The following TMEM71 variants were observed in gnomAD, a reference collection of about 807,000 sequenced individuals.
TMEM71 encodes transmembrane protein 71.
In TMEM71, 44 loss-of-function variants were observed where a neutral mutation model predicts 38.0. The ratio of observed to expected loss-of-function variants is 1.16; its 90% CI spans 0.91 to 1.49. The LOEUF is 1.49. Ranked by LOEUF, TMEM71 falls within the 40% of genes most tolerant of loss-of-function variation. The probability of loss-of-function intolerance (pLI) is 0.00; values close to 1 mark genes in which losing one functional copy is unlikely to be tolerated. For missense variants in TMEM71, 367 were observed against 348.6 expected (o/e 1.05, Z -0.42); for synonymous variants, 133 against 122.5 (o/e 1.09, Z -0.56).
rs1031110722 is a variant in TMEM71, at chr8:132,735,708, C to T, written c.488-7722G>A. On this transcript the variant is annotated intron_variant, in intron 5 of 9. Coordinates refer to ENST00000677595, the MANE Select transcript of TMEM71 (RefSeq NM_001382403.1). ...GTTTGGACATATTTCAAAGAGACAA[C>T]GAAGGAAAAATTAGATGTTAATTTC... 1.4e-4 allele frequency among the ~76,000 whole-genome samples: 22 copies of T among 152,126 alleles called. 1 individual carries two copies. The highest frequency in any genetic ancestry group is 4.6e-4 in the African/African-American group (19 of 41,436).
At position 132,749,288 on chromosome 8, in the gene TMEM71, A is replaced by C. The variant is rs547438958; in HGVS notation, c.315-2174T>G. On this transcript the variant is annotated intron_variant, in intron 4 of 9. Coordinates refer to ENST00000677595, the MANE Select transcript of TMEM71 (RefSeq NM_001382403.1). ...AGGTGATGGTGGCCTGAATGAAGAAAATAGCTATGGGAAGAAAGACAAGAG... is the reference window on the plus strand; with the variant it reads ...AGGTGATGGTGGCCTGAATGAAGAACATAGCTATGGGAAGAAAGACAAGAG... Among the ~76,000 whole-genome samples the C allele has an allele frequency of 3.3e-5, 5 of 152,340 alleles. No individual in the cohort carries two copies. In the South Asian group the frequency reaches 8.3e-4, roughly 25 times the overall value.
At chr8:132,753,320 T>C (rs1387765299) in intron 3 of TMEM71, among the ~76,000 whole-genome samples, 1 of 150,972 alleles carries the variant, frequency 6.6e-6, no homozygotes, top group Non-Finnish European at 1.5e-5. Context: ...GGGTGGTTTT[T>C]TGTGAATCAA....
chr8:132,764,169 A>C (rs1325057457), upstream of TMEM71, among the ~76,000 whole-genome samples: 2 of 152,182 alleles, frequency 1.3e-5, no homozygotes, highest in Non-Finnish European at 2.9e-5. Context: ...CTTATCATCT[A>C]AGTCTCCATC....
At chr8:132,772,114 A>G in the TMEM71 span, among the ~76,000 whole-genome samples, 3 of 152,222 alleles carry the variant, frequency 2.0e-5, no homozygotes, top group Admixed American at 2.0e-4. Flanking sequence ...CACACAAAAA[A>G]TAGCTATCTT....
chr8:132,761,868 G>A (rs546438959), upstream of TMEM71, among the ~76,000 whole-genome samples: 1 of 152,320 alleles, frequency 6.6e-6, no homozygotes, highest in Admixed American at 6.5e-5. Flanking sequence ...GTAAGGGTCT[G>A]ATGCTCCATC....
chr8:132,707,407 A>G (rs1267679675), downstream of TMEM71, among the ~76,000 whole-genome samples: 1 of 152,158 alleles, frequency 6.6e-6, no homozygotes, highest in Non-Finnish European at 1.5e-5. Context: ...TGAAAATTTC[A>G]TATGTTGGAA....
intron 3 of TMEM71, among the ~76,000 whole-genome samples, 181 bp downstream of exon 3, chr8:132,757,053 A>ATT (rs11345876): frequency 1.4e-5 from 2 of 143,398 alleles, no homozygotes; most frequent in African/African-American, 2.6e-5. Flanking sequence ...CGCAGCGCTG[A>ATT]TTTTTTTTTT....
chr8:132,723,122 G>C (rs1265533909), intron 6 of TMEM71, among the ~76,000 whole-genome samples: 1 of 152,176 alleles, frequency 6.6e-6, no homozygotes, highest in African/African-American at 2.4e-5. Context: ...CCCATAATGC[G>C]GGTGGAATGC....
At chr8:132,756,588 A>G (rs2131204150) in intron 3 of TMEM71, among the ~76,000 whole-genome samples, 1 of 150,006 alleles carries the variant, frequency 6.7e-6, no homozygotes, top group South Asian at 2.1e-4. Context: ...TAATAATAAT[A>G]TAATAATAAT....
chr8:132,722,134 A>C lies in TMEM71; in HGVS notation c.677-19T>G, dbSNP rs1291995756. 1 of 1,586,414 alleles carries C rather than the reference A, an allele frequency of 6.3e-7. No individual in the cohort carries two copies. Among genetic ancestry groups the C allele is most frequent in the South Asian group, 1.1e-5 (1 of 90,462 alleles). On this transcript the variant is annotated intron_variant, in intron 6 of 9. Transcript: ENST00000677595. ...CTGGTTTCTAATAGGAAGAACAAAA[A>C]CAAATAAATTAGAAATCATTGCTGA...
chr8:132,727,437 T>C (rs957600950), intron 6 of TMEM71, among the ~76,000 whole-genome samples: 2 of 152,076 alleles, frequency 1.3e-5, no homozygotes, highest in African/African-American at 4.8e-5. Context: ...TTTGTATTTT[T>C]AGTAGAGACA....
chr8:132,712,611 T>C (rs1260733454), intron 9 of TMEM71, among the ~76,000 whole-genome samples: 1 of 152,120 alleles, frequency 6.6e-6, no homozygotes, highest in Non-Finnish European at 1.5e-5. Context: ...AATGAGATGA[T>C]AAAATCTCAA....
chr8:132,735,459 C>A (rs535470899), intron 5 of TMEM71, among the ~76,000 whole-genome samples: 1 of 152,188 alleles, frequency 6.6e-6, no homozygotes, highest in South Asian at 2.1e-4. Context: ...AGTCACGGGG[C>A]CTTGGGTAAA....
intron 5 of TMEM71, among the ~76,000 whole-genome samples, chr8:132,736,501 C>G (rs1827753827): frequency 6.6e-6 from 1 of 152,046 alleles, no homozygotes; most frequent in Non-Finnish European, 1.5e-5. Context: ...ATCATGGTGA[C>G]TAGAGTTAAT....
At chr8:132,731,052 C>T (rs1432016146) in intron 5 of TMEM71, among the ~76,000 whole-genome samples, 3 of 152,160 alleles carry the variant, frequency 2.0e-5, no homozygotes, top group Admixed American at 6.5e-5. Context: ...AAGACTGAAA[C>T]ATACATTCTA....
At chr8:132,731,648 G>A (rs1227224139) in intron 5 of TMEM71, among the ~76,000 whole-genome samples, 1 of 152,174 alleles carries the variant, frequency 6.6e-6, no homozygotes, top group Non-Finnish European at 1.5e-5. Flanking sequence ...GAGGGCCTCT[G>A]GGAAAGACCA....
At chr8:132,735,958 T>C (rs570643016) in intron 5 of TMEM71, among the ~76,000 whole-genome samples, 19 of 152,340 alleles carry the variant, frequency 1.2e-4, no homozygotes, top group Admixed American at 2.6e-4. Context: ...ATGGAAAATG[T>C]AACCTTATTT....
intron 5 of TMEM71, among the ~76,000 whole-genome samples, chr8:132,734,360 A>T (rs1224361410): frequency 2.6e-5 from 4 of 152,204 alleles, no homozygotes; most frequent in Non-Finnish European, 4.4e-5. Context: ...TGTTAAAAAA[A>T]AGAGGAGGCT....
chr8:132,748,228 C>T (rs984014152), intron 4 of TMEM71, among the ~76,000 whole-genome samples: 2 of 152,226 alleles, frequency 1.3e-5, no homozygotes. Flanking sequence ...TTGAATTGTG[C>T]TTTCCCTTGG....
Sources: allele counts gnomAD v4.1 joint callset (sites outside exome capture counted in the v4.1 genomes callset), GRCh38; gene constraint gnomAD v4.1.1; transcripts MANE v1.5; gene names NCBI Gene and HGNC (gene_info 2026-07-23, HGNC 2026-07-21).